The following GALNT16 variants were observed in gnomAD, a reference collection of about 807,000 sequenced individuals.
GALNT16 encodes UDP-GalNAc:polypeptide N-acetylgalactosaminyltransferase-like protein 1.
In GALNT16, 40 loss-of-function variants were observed where a neutral mutation model predicts 76.1. The ratio of observed to expected loss-of-function variants is 0.53; its 90% CI spans 0.41 to 0.68. The LOEUF is 0.68. Among genes scored for constraint, GALNT16 ranks in the 30% least tolerant of loss-of-function variants. The pLI, the probability that GALNT16 is intolerant of heterozygous loss-of-function variation, is 0.00. For missense variants in GALNT16, 621 were observed against 731.9 expected (o/e 0.85, Z 1.75); for synonymous variants, 276 against 285.2 (o/e 0.97, Z 0.32).
At chr14:69,346,019 G>A (rs114526799) in intron 12 of GALNT16, among the ~76,000 whole-genome samples, 5 of 151,794 alleles carry the variant, frequency 3.3e-5, no homozygotes, top group Admixed American at 6.6e-5. Context: ...TCCCAAGTAC[G>A]TGGGACTATA....
At chr14:69,370,537 G>T in the GALNT16 span, among the ~76,000 whole-genome samples, 1 of 152,080 alleles carries the variant, frequency 6.6e-6, no homozygotes, top group South Asian at 2.1e-4. Context: ...CTTTGTGATC[G>T]AATCTTTTAT....
intron 2 of GALNT16, among the ~76,000 whole-genome samples, chr14:69,321,880 A>G (rs1147470): frequency 0.25 from 37,868 of 152,196 alleles, 6,052 homozygotes; most frequent in East Asian, 0.82. Context: ...TGTGTGCTCA[A>G]AGCTAGGCTG....
chr14:69,322,927 T>TGG (rs1365795717), intron 2 of GALNT16, among the ~76,000 whole-genome samples: 4 of 20,732 alleles, frequency 1.9e-4, no homozygotes, highest in South Asian at 3.6e-3. Flanking sequence ...GCTCACGGGG[T>TGG]GTGTGTGTGT....
At chr14:69,334,373 T>C (rs768299097) in intron 9 of GALNT16, among the ~76,000 whole-genome samples, 8 of 152,186 alleles carry the variant, frequency 5.3e-5, no homozygotes, top group Non-Finnish European at 8.8e-5. Flanking sequence ...GACTCCAGTA[T>C]GTGTGGGCTG....
chr14:69,290,419 TGGGAACAGCACGGC>T (rs1410463895), intron 1 of GALNT16, among the ~76,000 whole-genome samples: 6 of 152,332 alleles, frequency 3.9e-5, no homozygotes, highest in African/African-American at 1.4e-4. Flanking sequence ...TGCCTGCAGC[TGGGAACAGCACGGC>T]AGGGACAGAC....
At chr14:69,361,989 A>C (rs2045727385), downstream of GALNT16, among the ~76,000 whole-genome samples, 1 of 152,246 alleles carries the variant, frequency 6.6e-6, no homozygotes, top group South Asian at 2.1e-4. Context: ...CCTGGGTGAC[A>C]GAATGAGACT....
rs151156006 is a variant in GALNT16, at chr14:69,268,095, C to T, written c.177+7628C>T. 1.6e-4 allele frequency among the ~76,000 whole-genome samples: 24 copies of T among 152,240 alleles called. No individual in the cohort carries two copies. In the Middle Eastern group the frequency reaches 0.01, roughly 65 times the overall value. On this transcript the variant is annotated intron_variant, in intron 1 of 14. Coordinates refer to ENST00000448469, the MANE Select transcript of GALNT16 (RefSeq NM_001168368.2). ...TGATGGAGCTACGCTGCTCCCTGCC[C>T]GCTGTACTAGAAGCCTAAGATATTT...
intron 9 of GALNT16, among the ~76,000 whole-genome samples, chr14:69,335,770 C>G (rs2045407990): frequency 6.6e-6 from 1 of 152,106 alleles, no homozygotes; most frequent in South Asian, 2.1e-4. Context: ...TGGGTTTGAG[C>G]CTTTCCTTTT....
chr14:69,314,678 G>T (rs1147474), intron 1 of GALNT16, among the ~76,000 whole-genome samples: 5 of 152,156 alleles, frequency 3.3e-5, no homozygotes, highest in African/African-American at 1.2e-4. Flanking sequence ...CAGAGATGTC[G>T]AATTATGTGC....
At chr14:69,340,646 A>G (rs986184516) in intron 11 of GALNT16, among the ~76,000 whole-genome samples, 7 of 151,978 alleles carry the variant, frequency 4.6e-5, no homozygotes, top group African/African-American at 1.7e-4. Context: ...CACCATGCCC[A>G]GCTGATTTTT....
At chr14:69,278,234 C>T (rs2044498778) in intron 1 of GALNT16, among the ~76,000 whole-genome samples, 1 of 152,126 alleles carries the variant, frequency 6.6e-6, no homozygotes, top group Non-Finnish European at 1.5e-5. Context: ...GTCTTGAACT[C>T]CTAGGCTCAA....
intron 1 of GALNT16, among the ~76,000 whole-genome samples, chr14:69,264,617 T>C (rs2044316456): frequency 6.6e-6 from 1 of 152,056 alleles, no homozygotes; most frequent in Non-Finnish European, 1.5e-5. Context: ...ATTTATAATG[T>C]GTGCATTTTG....
intron 6 of GALNT16, among the ~76,000 whole-genome samples, chr14:69,329,652 G>A (rs949016351): frequency 1.1e-4 from 17 of 152,108 alleles, no homozygotes; most frequent in Admixed American, 3.3e-4. Flanking sequence ...ATCGGCTCAC[G>A]TTGTACAAGC....
At chr14:69,288,501 C>T (rs2044646516) in intron 1 of GALNT16, among the ~76,000 whole-genome samples, 1 of 152,216 alleles carries the variant, frequency 6.6e-6, no homozygotes, top group Admixed American at 6.5e-5. Flanking sequence ...CCACCAGTAA[C>T]CCTGGCCCCT....
Position 69,320,800 on chromosome 14 carries a change from C to G in GALNT16, c.267C>G (p.His89Gln), listed in dbSNP as rs773245856. The G allele has an allele frequency of 6.2e-7, 1 of 1,614,196 alleles. No homozygotes were observed. Among genetic ancestry groups the G allele is most frequent in the Non-Finnish European group, 8.5e-7 (1 of 1,180,022 alleles). Residue 89 changes from histidine to glutamine, a missense_variant, in exon 2 of 15, where the codon CAC (histidine) becomes CAG (glutamine). Coordinates refer to ENST00000448469, the MANE Select transcript of GALNT16 (RefSeq NM_001168368.2). ...LKAGEDPYRQ[H>Q]AFNQLESDKL... Reference sequence around the variant, plus strand: ...CTGGAGAGGACCCCTACAGACAGCACGCCTTCAACCAGCTGGAGAGTGACA... The same window carrying G: ...CTGGAGAGGACCCCTACAGACAGCAGGCCTTCAACCAGCTGGAGAGTGACA...
rs2045267332 is a variant in GALNT16 at position 69,325,387 on chromosome 14, A to G, written c.485A>G (p.Asp162Gly). Reference protein sequence around the residue: ...ANLIQEIILVDDFSSDPEDCL... With the variant: ...ANLIQEIILVGDFSSDPEDCL... ...TTGATCCAGGAGATCATTTTAGTGG[A>G]TGACTTCAGCTCAGATCGTGAGTAG... Residue 162 changes from aspartate to glycine, a missense_variant, in exon 4 of 15, where the codon GAT becomes GGT. Coordinates refer to ENST00000448469, the MANE Select transcript of GALNT16 (RefSeq NM_001168368.2). 1 of 1,593,550 alleles carries G rather than the reference A, an allele frequency of 6.3e-7. No individual in the cohort carries two copies. Among genetic ancestry groups the G allele is most frequent in the Non-Finnish European group, 8.6e-7 (1 of 1,161,342 alleles).
chr14:69,295,709 GACTCCATCTCA>G (rs1378577006), intron 1 of GALNT16, among the ~76,000 whole-genome samples: 1 of 152,102 alleles, frequency 6.6e-6, no homozygotes, highest in Non-Finnish European at 1.5e-5. Flanking sequence ...GACAGAGCGA[GACTCCATCTCA>G]AAAAAAATTA....
the GALNT16 span, among the ~76,000 whole-genome samples, chr14:69,373,734 TTTTC>T: frequency 1.1e-4 from 16 of 151,748 alleles, no homozygotes; most frequent in South Asian, 1.5e-3. Context: ...TTTCTCTTCT[TTTTC>T]TTTCTCTTTG....
intron 1 of GALNT16, among the ~76,000 whole-genome samples, chr14:69,311,809 C>T (rs1426267417): frequency 3.9e-5 from 6 of 152,132 alleles, no homozygotes; most frequent in African/African-American, 9.7e-5. Context: ...CTGCTGGTCC[C>T]GACCTCAGTT....
Sources: gnomAD v4.1 joint callset for allele counts (sites outside exome capture counted in the v4.1 genomes callset) on GRCh38, gnomAD v4.1.1 for gene constraint, MANE v1.5 for transcripts, NCBI Gene and HGNC (gene_info 2026-07-23, HGNC 2026-07-21) for gene names.